Variants in PCDH11X observed in about 807,000 individuals in gnomAD.
PCDH11X encodes protocadherin 11 X-linked.
A neutral mutation model predicts 53.3 loss-of-function variants in PCDH11X; 18 were observed. The observed-to-expected ratio is 0.34, with a 90% CI of 0.23 to 0.50. The LOEUF (loss-of-function observed/expected upper bound fraction) is 0.50. PCDH11X is among the 20% of genes least tolerant of loss of function. The probability of loss-of-function intolerance (pLI) is 0.98; values close to 1 mark genes in which losing one functional copy is unlikely to be tolerated. For missense variants in PCDH11X, 570 were observed against 1,032.4 expected, an observed-to-expected ratio of 0.55 and a Z score of 6.14; for synonymous variants, 279 against 393.3, an observed-to-expected ratio of 0.71 and a Z score of 3.44.
intron 6 of PCDH11X, among the ~76,000 whole-genome samples, chrX:92,034,572 T>G (rs2148019628): frequency 9.4e-6 from 1 of 106,072 alleles, no homozygotes; most frequent in East Asian, 3.1e-4. Context: ...CTGCTCTTTT[T>G]TGGTTTCCAT....
In PCDH11X at chrX:92,038,317, T is replaced by A. The variant is rs1286122590; in HGVS notation, c.3033+159044T>A. ...GATAACATGGTTTTGTGGGCCAGGC[T>A]CAAGGTCCCCATGCTGTGTACAGCC... is the stretch of plus-strand genomic sequence containing the variant. On this transcript the variant is annotated intron_variant, in intron 6 of 10. Coordinates refer to ENST00000682573, the MANE Select transcript of PCDH11X (RefSeq NM_032968.5). Among the ~76,000 whole-genome samples the A allele has an allele frequency of 1.7e-4, 19 of 110,114 alleles. No individual in the cohort carries two copies. The East Asian group carries it at 2.3e-3, about 14-fold the overall frequency.
rs771617094 is a variant in PCDH11X, at chrX:91,878,392, G to A, written c.2152G>A (p.Gly718Arg). The A allele has an allele frequency of 1.7e-6, 2 of 1,205,135 alleles. No individual in the cohort carries two copies. Among genetic ancestry groups the A allele is most frequent in the East Asian group, 6.0e-5 (2 of 33,578 alleles). ...NAEVRYSIVG[G>R]NTRDLFAIDQ... ...AGAGGTTCGTTACAGCATTGTAGGA[G>A]GAAACACAAGAGATCTGTTTGCAAT... The change falls in exon 6 of 11, where the codon GGA becomes AGA. Residue 718 changes from glycine to arginine, a missense_variant. Coordinates refer to ENST00000682573, the MANE Select transcript of PCDH11X (RefSeq NM_032968.5).
intron 8 of PCDH11X, among the ~76,000 whole-genome samples, chrX:92,267,692 G>A (rs1282151111): frequency 2.7e-5 from 3 of 112,545 alleles, no homozygotes; most frequent in African/African-American, 9.7e-5. Flanking sequence ...ATGCAGAATG[G>A]CACTATCTTA....
At chrX:92,300,691 C>G (rs1357430163) in intron 8 of PCDH11X, among the ~76,000 whole-genome samples, 1 of 111,510 alleles carries the variant, frequency 9.0e-6, no homozygotes, top group Non-Finnish European at 1.9e-5. Flanking sequence ...GTTGGCCAGG[C>G]CGGTCTCTAA....
chrX:92,279,240 A>G (rs766476843), intron 8 of PCDH11X, among the ~76,000 whole-genome samples: 1 of 112,498 alleles, frequency 8.9e-6, no homozygotes, highest in Non-Finnish European at 1.9e-5. Context: ...AGCTTGTTTT[A>G]CTGTTCATGA....
In PCDH11X at chrX:92,420,425, C is replaced by T. The variant is rs187320546; in HGVS notation, c.3343+32492C>T. 1.1e-3 allele frequency: 289 copies of T among 257,550 alleles called. 1 individual carries two copies. Among genetic ancestry groups the T allele is most frequent in the African/African-American group, 6.1e-3 (210 of 34,492 alleles). 21.2% of individuals were successfully genotyped at this position (257,550 alleles called of 1,213,427 possible). ...AATATTTAATTTTTTCTCTTAAGAACGAGATTTAATAAATTCAACTTCATG... is the reference window on the plus strand; with the variant it reads ...AATATTTAATTTTTTCTCTTAAGAATGAGATTTAATAAATTCAACTTCATG... On this transcript the variant is annotated intron_variant, in intron 9 of 10. Coordinates refer to ENST00000682573, the MANE Select transcript of PCDH11X (RefSeq NM_032968.5).
chrX:92,254,341 C>T (rs1048870151), intron 7 of PCDH11X, among the ~76,000 whole-genome samples: 141 of 110,721 alleles, frequency 1.3e-3, no homozygotes, highest in Non-Finnish European at 2.1e-3. Context: ...TGTCTCTGCA[C>T]GTGAGATGGG....
At chrX:91,959,676 C>CTTCA (rs755987337) in intron 6 of PCDH11X, among the ~76,000 whole-genome samples, 46 of 92,424 alleles carry the variant, frequency 5.0e-4, no homozygotes, top group South Asian at 1.2e-3. Context: ...TTCTTTCTTT[C>CTTCA]TTCATTCATT....
chrX:92,536,546 C>T (rs867613924), intron 10 of PCDH11X, among the ~76,000 whole-genome samples: 11 of 110,076 alleles, frequency 1.0e-4, no homozygotes, highest in Middle Eastern at 4.7e-3. Context: ...GAATCTTCTC[C>T]ATATTGTTTA....
In PCDH11X at chrX:92,517,008, A is replaced by G. The variant is rs1299236815; in HGVS notation, c.3367+48686A>G. Among the ~76,000 whole-genome samples the G allele has an allele frequency of 8.0e-5, 9 of 112,488 alleles. No homozygotes were observed. The East Asian group carries it at 2.5e-3, about 32-fold the overall frequency. ...ATAAAAGAATGACTTTTTGTGAAAG[A>G]TTGTGAGAACGTAAGCCTGGATTGA... On this transcript the variant is annotated intron_variant, in intron 10 of 10. Transcript: ENST00000682573.
chrX:92,409,383 T>A (rs752674271), intron 9 of PCDH11X, among the ~76,000 whole-genome samples: 1 of 112,147 alleles, frequency 8.9e-6, no homozygotes, highest in East Asian at 2.8e-4. Flanking sequence ...TAAACACCCA[T>A]CAAAATGGTA....
At position 92,351,363 on chromosome X, in the gene PCDH11X, CATGTAA is replaced by C. The variant is rs756844154; in HGVS notation, c.3145-36370_3145-36365del. ...ACTAATGCATGACGTCTTTTAATTTCATGTAAACTAACAATATTCAATTTCATTTGG... is the reference window on the plus strand; with the variant it reads ...ACTAATGCATGACGTCTTTTAATTTCACTAACAATATTCAATTTCATTTGG... On this transcript the variant is annotated intron_variant, in intron 8 of 10. Transcript: ENST00000682573. 2.7e-5 allele frequency among the ~76,000 whole-genome samples: 3 copies of C among 111,410 alleles called. No homozygotes were observed. The South Asian group carries it at 1.1e-3, about 42-fold the overall frequency.
chrX:92,545,639 G>A (rs1602301117), intron 10 of PCDH11X, among the ~76,000 whole-genome samples: 1 of 110,443 alleles, frequency 9.1e-6, no homozygotes, highest in Non-Finnish European at 1.9e-5. Context: ...GACTTCAGGT[G>A]ATCCTCCCCC....
chrX:92,404,288 A>C (rs2071460492), intron 9 of PCDH11X, among the ~76,000 whole-genome samples: 1 of 105,255 alleles, frequency 9.5e-6, no homozygotes, highest in South Asian at 4.9e-4. Context: ...GACAAGGAGT[A>C]AAAATAGAAA....
Position 92,576,011 on chromosome X carries a change from T to TACAC in PCDH11X, c.3368-42229_3368-42226dup, listed in dbSNP as rs1243169398. On this transcript the variant is annotated intron_variant, in intron 10 of 10. Coordinates refer to ENST00000682573, the MANE Select transcript of PCDH11X (RefSeq NM_032968.5). ...ATATATATATATATATATATATATA[T>TACAC]ACACACACACACACACACACACACA... Among the ~76,000 whole-genome samples the TACAC allele has an allele frequency of 3.3e-3, 93 of 28,069 alleles. 4 individuals carry two copies. Among genetic ancestry groups the TACAC allele is most frequent in the African/African-American group, 1.0e-2 (59 of 5,901 alleles). The allele number at this position is 28,069 out of a possible 115,157, so 24.4% of individuals were successfully genotyped here.
At chrX:91,968,205 G>A (rs1314128484) in intron 6 of PCDH11X, among the ~76,000 whole-genome samples, 64 of 111,483 alleles carry the variant, frequency 5.7e-4, no homozygotes, top group Non-Finnish European at 1.1e-3. Flanking sequence ...TTTTTCTGCA[G>A]AGTGGATTTA....
intron 6 of PCDH11X, among the ~76,000 whole-genome samples, chrX:92,089,722 C>T (rs1460224639): frequency 9.5e-6 from 1 of 105,185 alleles, no homozygotes; most frequent in Non-Finnish European, 1.9e-5. Flanking sequence ...AGGGTTTCAT[C>T]ATATTGGTCA....
At chrX:92,437,892 G>T (rs1174501071) in intron 9 of PCDH11X, among the ~76,000 whole-genome samples, 2 of 110,875 alleles carry the variant, frequency 1.8e-5, no homozygotes, top group Non-Finnish European at 1.9e-5. Context: ...TACAGCTATA[G>T]GTAACAAGAC....
At chrX:92,127,711 C>CG (rs1158163450) in intron 6 of PCDH11X, among the ~76,000 whole-genome samples, 2 of 109,108 alleles carry the variant, frequency 1.8e-5, no homozygotes, top group African/African-American at 6.7e-5. Flanking sequence ...TCAGTAGAGA[C>CG]GGGGTTTCAC....
Sources: gnomAD v4.1 joint callset for allele counts (sites outside exome capture counted in the v4.1 genomes callset) on GRCh38, gnomAD v4.1.1 for gene constraint, MANE v1.5 for transcripts, NCBI Gene and HGNC (gene_info 2026-07-23, HGNC 2026-07-21) for gene names.